Variants in TSHZ2 observed in about 807,000 individuals in gnomAD.
TSHZ2 encodes the protein teashirt homolog 2.
A neutral mutation model predicts 74.4 loss-of-function variants in TSHZ2; 21 were observed. The ratio of observed to expected loss-of-function variants is 0.28; its 90% confidence interval spans 0.20 to 0.41. The LOEUF is 0.41. Among genes scored for constraint, TSHZ2 ranks in the 10% least tolerant of loss-of-function variants. The pLI, the probability that TSHZ2 is intolerant of heterozygous loss-of-function variation, is 1.00. For synonymous variants in TSHZ2, 540 were observed against 515.3 expected, an observed-to-expected ratio of 1.05 and a Z score of -0.65; for missense variants, 1,244 against 1,293.5, an observed-to-expected ratio of 0.96 and a Z score of 0.59.
At position 53,168,563 on chromosome 20, in the gene TSHZ2, C is replaced by G. The variant is rs6022313; in HGVS notation, c.41-84936C>G. 151 of 152,306 alleles carry G rather than the reference C, an allele frequency of 9.9e-4. 2 individuals carry two copies. Among genetic ancestry groups the G allele is most frequent in the African/African-American group, 3.5e-3 (145 of 41,568 alleles). The allele number at this position is 152,306 out of a possible 1,614,324, so 9.4% of individuals were successfully genotyped here. ...ATATATATGGATTCCATGACATACT[C>G]TGAAAGATGTTTTTGCTTGTCTGTC... On this transcript the variant is annotated intron_variant, in intron 1 of 2. Transcript: ENST00000371497.
intron 2 of TSHZ2, among the ~76,000 whole-genome samples, chr20:53,464,328 A>T (rs927111409): frequency 1.3e-5 from 2 of 152,212 alleles, no homozygotes; most frequent in African/African-American, 4.8e-5. Context: ...TCCCAGGAGA[A>T]GAAAAGATCT....
chr20:53,032,212 C>T (rs1305922193), intron 1 of TSHZ2, among the ~76,000 whole-genome samples: 4 of 152,174 alleles, frequency 2.6e-5, no homozygotes, highest in African/African-American at 9.7e-5. Flanking sequence ...CATTGCTTTG[C>T]GTCTCTATTT....
rs1291409527 is a variant in TSHZ2, at chr20:53,450,865, G to A, written c.*9-36279G>A. The stretch of plus-strand genomic sequence containing the variant: ...GTACCTATGCAGGCTGCCAGGAAAA[G>A]AAAAACAAAAGGTGCCAAGTAGTGG... On this transcript the variant is annotated intron_variant, in intron 2 of 2. Coordinates refer to ENST00000371497, the MANE Select transcript of TSHZ2 (RefSeq NM_173485.6). Among the ~76,000 whole-genome samples, 5 of 151,598 alleles carry A rather than the reference G, an allele frequency of 3.3e-5. No homozygotes were observed. The East Asian group carries it at 7.8e-4, about 24-fold the overall frequency.
chr20:53,110,633 A>G (rs901031280), intron 1 of TSHZ2, among the ~76,000 whole-genome samples: 4 of 152,180 alleles, frequency 2.6e-5, no homozygotes, highest in Admixed American at 6.5e-5. Flanking sequence ...CAGTTGGGAT[A>G]TGAGATAAAG....
chr20:53,437,639 C>T (rs534961381), intron 2 of TSHZ2, among the ~76,000 whole-genome samples: 1 of 152,310 alleles, frequency 6.6e-6, no homozygotes, highest in Non-Finnish European at 1.5e-5. Flanking sequence ...CTCCACCCGA[C>T]ATGGTTTGGA....
chr20:53,340,184 C>CTTTTTTTTTTTTTTTTT lies in TSHZ2; in HGVS notation c.*8+83629_*8+83630insTTTTTTTTTTTTTTTTT, dbSNP rs557613827. ...ACAAGGTGACTTTTCTTTCTTTTTT[C>CTTTTTTTTTTTTTTTTT]TTTTTTTTTTTTTTTTGAGATGGAG... On this transcript the variant is annotated intron_variant, in intron 2 of 2. Transcript: ENST00000371497. 5.5e-3 allele frequency among the ~76,000 whole-genome samples: 599 copies of CTTTTTTTTTTTTTTTTT among 109,678 alleles called. 19 individuals carry two copies. Among genetic ancestry groups the CTTTTTTTTTTTTTTTTT allele is most frequent in the Non-Finnish European group, 7.2e-3 (415 of 57,426 alleles). The allele number at this position is 109,678 out of a possible 152,430, so 72.0% of individuals were successfully genotyped here.
At chr20:53,083,208 CTG>C (rs1381940979) in intron 1 of TSHZ2, among the ~76,000 whole-genome samples, 6 of 152,206 alleles carry the variant, frequency 3.9e-5, no homozygotes, top group African/African-American at 1.4e-4. Context: ...AGTTAGGCAT[CTG>C]TGCAATCGTC....
At chr20:53,163,360 C>CTCT (rs1987988116) in intron 1 of TSHZ2, among the ~76,000 whole-genome samples, 1 of 65,634 alleles carries the variant, frequency 1.5e-5, no homozygotes, top group African/African-American at 5.5e-5. Flanking sequence ...CTCTCTGTCT[C>CTCT]TTTTTTTTTT....
chr20:53,361,794 T>A (rs1386328243), intron 2 of TSHZ2, among the ~76,000 whole-genome samples: 1 of 152,236 alleles, frequency 6.6e-6, no homozygotes, highest in South Asian at 2.1e-4. Context: ...AACTTTTCAA[T>A]GTCCAGTAGA....
At chr20:53,249,184 G>A (rs1359583126) in intron 1 of TSHZ2, among the ~76,000 whole-genome samples, 1 of 152,166 alleles carries the variant, frequency 6.6e-6, no homozygotes, top group Admixed American at 6.5e-5. Flanking sequence ...TAGCATGATT[G>A]TAATTCACAT....
In TSHZ2 at chr20:53,490,078, C is replaced by T. The variant is rs968193747; in HGVS notation, c.*2943C>T. On this transcript the variant is annotated 3_prime_UTR_variant, in exon 3 of 3. Coordinates refer to ENST00000371497, the MANE Select transcript of TSHZ2 (RefSeq NM_173485.6). ...GCCATTCTTCCACCACCTCTTGGTA[C>T]CAGTGAGAGCGAGAGATTGCCTTTT... is the stretch of plus-strand genomic sequence containing the variant. 2 of 152,166 alleles carry T rather than the reference C, an allele frequency of 1.3e-5. No individual in the cohort carries two copies. Among genetic ancestry groups the T allele is most frequent in the Non-Finnish European group, 2.9e-5 (2 of 68,032 alleles). 9.4% of individuals were successfully genotyped at this position (152,166 alleles called of 1,614,324 possible).
At chr20:53,177,008 T>G (rs1242941782) in intron 1 of TSHZ2, among the ~76,000 whole-genome samples, 1 of 152,138 alleles carries the variant, frequency 6.6e-6, no homozygotes, top group Non-Finnish European at 1.5e-5. Flanking sequence ...CTTTATGTAT[T>G]TATTTTTGTT....
intron 2 of TSHZ2, among the ~76,000 whole-genome samples, chr20:53,299,563 T>G (rs1205288106): frequency 1.3e-5 from 2 of 152,282 alleles, no homozygotes; most frequent in Non-Finnish European, 2.9e-5. Flanking sequence ...GATTATTCTC[T>G]GCCCCATGCC....
chr20:53,046,152 A>AG (rs564291947), intron 1 of TSHZ2, among the ~76,000 whole-genome samples: 2 of 152,124 alleles, frequency 1.3e-5, no homozygotes, highest in Non-Finnish European at 2.9e-5. Flanking sequence ...TGCAGGCAAG[A>AG]GGGGAGACAC....
chr20:53,027,039 T>G (rs1398194711), intron 1 of TSHZ2, among the ~76,000 whole-genome samples: 1 of 152,156 alleles, frequency 6.6e-6, no homozygotes, highest in Non-Finnish European at 1.5e-5. Context: ...TAAATAGTAC[T>G]CTAATGTACT....
At chr20:53,219,174 G>C (rs1384167025) in intron 1 of TSHZ2, among the ~76,000 whole-genome samples, 1 of 152,120 alleles carries the variant, frequency 6.6e-6, no homozygotes, top group Non-Finnish European at 1.5e-5. Flanking sequence ...AAGACTTTCA[G>C]GTAAACACAG....
chr20:53,090,689 C>T (rs770963474), intron 1 of TSHZ2, among the ~76,000 whole-genome samples: 1 of 152,188 alleles, frequency 6.6e-6, no homozygotes, highest in African/African-American at 2.4e-5. Flanking sequence ...TTTGAGGTGG[C>T]TTCCTCAGCA....
At chr20:53,401,306 G>T (rs1255588590) in intron 2 of TSHZ2, 1 of 152,234 alleles carries the variant, frequency 6.6e-6, no homozygotes, top group African/African-American at 2.4e-5. Flanking sequence ...ACAATAGGCT[G>T]CACATAGGAC....
intron 1 of TSHZ2, among the ~76,000 whole-genome samples, chr20:53,076,867 A>G (rs1985379064): frequency 6.6e-6 from 1 of 152,222 alleles, no homozygotes; most frequent in African/African-American, 2.4e-5. Context: ...TTTGGACGCA[A>G]TTCAGAGAGT....
Sources: allele counts gnomAD v4.1 joint callset (sites outside exome capture counted in the v4.1 genomes callset), GRCh38; gene constraint gnomAD v4.1.1; transcripts MANE v1.5; gene names NCBI Gene and HGNC (gene_info 2026-07-23, HGNC 2026-07-21).